Variants in HOXC4 observed in about 807,000 individuals in gnomAD.
HOXC4 encodes homeobox C4.
HOXC4 carries 15 observed loss-of-function variants against 25.5 expected under a neutral mutation model. The ratio of observed to expected loss-of-function variants is 0.59; its 90% CI spans 0.39 to 0.91. The LOEUF (loss-of-function observed/expected upper bound fraction) is 0.91. HOXC4 is among the 40% of genes least tolerant of loss of function. The pLI is 0.00. For missense variants in HOXC4, 342 were observed against 352.4 expected, an observed-to-expected ratio of 0.97 and a Z score of 0.24; for synonymous variants, 165 against 148.0, an observed-to-expected ratio of 1.11 and a Z score of -0.83.
At chr12:54,054,739 T>C in intron 1 of HOXC4, 111 bp from the exon 2 acceptor site, 1 of 715,640 alleles carries the variant, frequency 1.4e-6, no homozygotes, top group Non-Finnish European at 2.4e-6. Flanking sequence ...TTGATGACTT[T>C]ATTTCCACCA....
At chr12:54,045,877 T>C (rs951707178) in intron 1 of HOXC4, among the ~76,000 whole-genome samples, 2 of 152,186 alleles carry the variant, frequency 1.3e-5, no homozygotes, top group African/African-American at 4.8e-5. Flanking sequence ...CTAGGGGTCA[T>C]AGACTGCCTC....
upstream of HOXC4, among the ~76,000 whole-genome samples, chr12:54,048,935 G>A (rs571265118): frequency 2.0e-5 from 3 of 152,104 alleles, no homozygotes; most frequent in African/African-American, 4.8e-5. Context: ...CCAACCTGCC[G>A]CACAGCAAGG....
At chr12:54,039,259 G>C (rs1425230986) in intron 1 of HOXC4, among the ~76,000 whole-genome samples, 1 of 152,170 alleles carries the variant, frequency 6.6e-6, no homozygotes, top group Non-Finnish European at 1.5e-5. Context: ...TTTGTGGAGA[G>C]GTGCTGTTGG....
chr12:54,054,843 C>A lies in HOXC4; in HGVS notation c.440-7C>A. The A allele has an allele frequency of 6.3e-7, 1 of 1,592,464 alleles. No individual in the cohort carries two copies. Among genetic ancestry groups the A allele is most frequent in the Non-Finnish European group, 8.6e-7 (1 of 1,163,758 alleles). The stretch of plus-strand genomic sequence containing the variant: ...AACCCCACTATTTGCTTTTCCCCTC[C>A]CCCCAGTGAACCCCAATTATAACGG... On this transcript the variant is annotated splice_polypyrimidine_tract_variant and splice_region_variant and intron_variant, in intron 1 of 1. Transcript: ENST00000430889.
At chr12:54,018,101 C>A (rs959318746) in intron 1 of HOXC4, among the ~76,000 whole-genome samples, 4 of 152,064 alleles carry the variant, frequency 2.6e-5, no homozygotes, top group Non-Finnish European at 4.4e-5. Context: ...CTCCCGCCCC[C>A]ACTCGGGCGG....
At chr12:54,026,936 TCC>T (rs60226451) in intron 1 of HOXC4, among the ~76,000 whole-genome samples, 1 of 138,474 alleles carries the variant, frequency 7.2e-6, no homozygotes, top group Non-Finnish European at 1.6e-5. Context: ...TAGCCAGCTT[TCC>T]CCCCCCCCAA....
intron 1 of HOXC4, chr12:54,034,530 G>T (rs777472361): frequency 1.3e-6 from 2 of 1,542,972 alleles, no homozygotes; most frequent in East Asian, 2.2e-5. Flanking sequence ...GCCCCTAGCC[G>T]GTTCCTGTCC....
intron 1 of HOXC4, among the ~76,000 whole-genome samples, chr12:54,044,734 T>C (rs1937660548): frequency 6.6e-6 from 1 of 151,710 alleles, no homozygotes; most frequent in African/African-American, 2.4e-5. Context: ...TTTGTGTGTG[T>C]GTGTGTGTGT....
intron 1 of HOXC4, among the ~76,000 whole-genome samples, chr12:54,036,260 C>T (rs901284267): frequency 1.3e-5 from 2 of 152,092 alleles, no homozygotes; most frequent in Non-Finnish European, 2.9e-5. Flanking sequence ...ACTGCATTTC[C>T]TCTCCCACCT....
At chr12:54,041,463 C>A (rs1337254231) in intron 1 of HOXC4, among the ~76,000 whole-genome samples, 1 of 152,208 alleles carries the variant, frequency 6.6e-6, no homozygotes. Flanking sequence ...TAAGCACCCC[C>A]CTGGGGGCAT....
At chr12:54,022,638 TAAC>T (rs1940502154) in intron 1 of HOXC4, 1 of 151,842 alleles carries the variant, frequency 6.6e-6, no homozygotes, top group Admixed American at 6.6e-5. Flanking sequence ...TTCCAGAACA[TAAC>T]AACATTTTAT....
chr12:54,028,819 A>G lies in HOXC4; in HGVS notation c.-124+11405A>G, dbSNP rs565847774. 31 of 1,614,166 alleles carry G rather than the reference A, an allele frequency of 1.9e-5. No homozygotes were observed. Among genetic ancestry groups the G allele is most frequent in the Non-Finnish European group, 2.4e-5 (28 of 1,180,010 alleles). On this transcript the variant is annotated intron_variant, in intron 1 of 3. Transcript: ENST00000303406. Reference sequence around the variant, plus strand: ...CTTAGGACATAACACACAGACCTCAATCGCTCAGGATTTTAGTTCTGAGCA... The same window carrying G: ...CTTAGGACATAACACACAGACCTCAGTCGCTCAGGATTTTAGTTCTGAGCA...
intron 1 of HOXC4, among the ~76,000 whole-genome samples, chr12:54,048,644 C>T (rs1937777007): frequency 6.6e-6 from 1 of 152,162 alleles, no homozygotes; most frequent in African/African-American, 2.4e-5. Context: ...CTCTCTCTAT[C>T]CTTAGTTTTT....
At chr12:54,029,289 G>T (rs1940876443) in intron 1 of HOXC4, among the ~76,000 whole-genome samples, 1 of 152,196 alleles carries the variant, frequency 6.6e-6, no homozygotes, top group Admixed American at 6.5e-5. Flanking sequence ...GAACTAGGAT[G>T]CTTGGGGAGA....
At chr12:54,039,197 C>G (rs897165959) in intron 1 of HOXC4, among the ~76,000 whole-genome samples, 1 of 152,146 alleles carries the variant, frequency 6.6e-6, no homozygotes, top group Non-Finnish European at 1.5e-5. Flanking sequence ...GCCAGATATG[C>G]ACCTTCCAGA....
At chr12:54,040,534 G>A (rs1941255766) in intron 1 of HOXC4, among the ~76,000 whole-genome samples, 1 of 152,192 alleles carries the variant, frequency 6.6e-6, no homozygotes, top group Non-Finnish European at 1.5e-5. Flanking sequence ...TGCTTACAAA[G>A]TTGTATCTGG....
At chr12:54,028,297 C>CA (rs1276549552) in intron 1 of HOXC4, 1 of 389,826 alleles carries the variant, frequency 2.6e-6, no homozygotes, top group Non-Finnish European at 4.6e-6. Context: ...GTCTTACTTT[C>CA]AAAGCACACA....
At chr12:54,030,099 G>T in intron 1 of HOXC4, 1 of 889,008 alleles carries the variant, frequency 1.1e-6, no homozygotes, top group South Asian at 2.0e-5. Flanking sequence ...GGAGTCAAAC[G>T]TGGACCTGAA....
At chr12:54,052,569 T>TGGGGGG (rs760468397), upstream of HOXC4, among the ~76,000 whole-genome samples, 1 of 126,172 alleles carries the variant, frequency 7.9e-6, no homozygotes, top group African/African-American at 3.2e-5. Flanking sequence ...CACCCCTAGC[T>TGGGGGG]GGGGGGGGGG....
Sources: gnomAD v4.1 joint callset for allele counts (sites outside exome capture counted in the v4.1 genomes callset) on GRCh38, gnomAD v4.1.1 for gene constraint, MANE v1.5 for transcripts, NCBI Gene and HGNC (gene_info 2026-07-23, HGNC 2026-07-21) for gene names.